The following TRIM29 variants were observed in gnomAD, a reference collection of about 807,000 sequenced individuals.
TRIM29 encodes the protein tripartite motif-containing protein 29.
Under a neutral mutation model 57.3 loss-of-function variants are expected in TRIM29, and 52 were observed. The observed-to-expected ratio is 0.91, with a 90% CI of 0.73 to 1.14. The LOEUF (loss-of-function observed/expected upper bound fraction) is 1.14. Among genes scored for constraint, TRIM29 ranks in the 50% most tolerant of loss-of-function variants. TRIM29 has a pLI of 0.00. For synonymous variants in TRIM29, 319 were observed against 316.9 expected, an observed-to-expected ratio of 1.01 and a Z score of -0.07; for missense variants, 753 against 774.6, an observed-to-expected ratio of 0.97 and a Z score of 0.33.
chr11:120,137,199 G>A lies in TRIM29; in HGVS notation c.804+29C>T. 1 of 1,609,974 alleles carries A rather than the reference G, an allele frequency of 6.2e-7. No individual in the cohort carries two copies. The highest frequency in any genetic ancestry group is 8.5e-7 in the Non-Finnish European group (1 of 1,177,468). Reference sequence around the variant, plus strand: ...GGGTGGGGTGAGAGAGGAGAGGCCTGGAGGGGCAGGAGGGGCCCCAGCACT... The same window carrying A: ...GGGTGGGGTGAGAGAGGAGAGGCCTAGAGGGGCAGGAGGGGCCCCAGCACT... On this transcript the variant is annotated intron_variant, in intron 1 of 8. Coordinates refer to ENST00000341846, the MANE Select transcript of TRIM29 (RefSeq NM_012101.4). The surrounding 1 kb of genome is among the most constrained non-coding windows in gnomAD (Gnocchi z 6.2).
At chr11:120,132,315 T>G (rs1394539085) in intron 1 of TRIM29, among the ~76,000 whole-genome samples, 1 of 152,066 alleles carries the variant, frequency 6.6e-6, no homozygotes, top group Admixed American at 6.5e-5. Context: ...AAGGCCCTGA[T>G]GGCTGACAGG....
chr11:120,115,450 C>T (rs1216410735), intron 7 of TRIM29, 36 bp from the exon 8 acceptor site: 8 of 1,595,730 alleles, frequency 5.0e-6, no homozygotes, highest in Admixed American at 3.4e-5. Flanking sequence ...AAGGGAGCAG[C>T]GCTGGTGGTC....
At chr11:120,125,625 C>A in intron 4 of TRIM29, 66 bp downstream of exon 4, 1 of 1,567,596 alleles carries the variant, frequency 6.4e-7, no homozygotes, top group South Asian at 1.1e-5. Flanking sequence ...CCATGTCAGG[C>A]AGCAGGAATT....
chr11:120,128,557 C>T, intron 1 of TRIM29, 62 bp from the exon 2 acceptor site: 3 of 1,558,154 alleles, frequency 1.9e-6, no homozygotes, highest in South Asian at 2.3e-5. Flanking sequence ...AACCAGAGAA[C>T]CAGGGAGCGG....
In TRIM29 at chr11:120,112,370, G is replaced by C; in HGVS notation, c.*44C>G. On this transcript the variant is annotated 3_prime_UTR_variant, in exon 9 of 9. Coordinates refer to ENST00000341846, the MANE Select transcript of TRIM29 (RefSeq NM_012101.4). The stretch of plus-strand genomic sequence containing the variant: ...TAGAAGGCAAGAGCAGCAGGGTCAG[G>C]AGGAAGAGCAGGGGTGTGGCGCCTC... 1.2e-6 allele frequency: 2 copies of C among 1,609,512 alleles called. No individual in the cohort carries two copies. Among genetic ancestry groups the C allele is most frequent in the East Asian group, 2.2e-5 (1 of 44,714 alleles).
At chr11:120,115,579 C>A (rs1863247923) in intron 7 of TRIM29, 165 bp from the exon 8 acceptor site, 1 of 626,050 alleles carries the variant, frequency 1.6e-6, no homozygotes, top group Admixed American at 3.0e-5. Context: ...GGTGCCGCAA[C>A]CGAAAATCCT....
At chr11:120,115,752 C>T (rs1034686939) in intron 7 of TRIM29, 6 of 271,366 alleles carry the variant, frequency 2.2e-5, no homozygotes, top group African/African-American at 9.1e-5. Context: ...GTTTACACCA[C>T]GGGCCCTCCC....
rs555181586 is a variant in TRIM29, at chr11:120,131,910, C to A, written c.805-3415G>T. Among the ~76,000 whole-genome samples the A allele has an allele frequency of 4.7e-5, 7 of 149,680 alleles. No individual in the cohort carries two copies. The South Asian group carries it at 1.1e-3, about 24-fold the overall frequency. ...GCCAGGACTTTTCTCCTTTAACCAG[C>A]AAAAGCCTCCTGTGGAGGTAAGTGG... On this transcript the variant is annotated intron_variant, in intron 1 of 8. Transcript: ENST00000341846.
Position 120,137,306 on chromosome 11 carries a change from G to A in TRIM29, c.726C>T (p.Cys242=), listed in dbSNP as rs1312932196. Residue 242 remains cysteine (C), a synonymous_variant, in exon 1 of 9, where the codon TGC becomes TGT. Coordinates refer to ENST00000341846, the MANE Select transcript of TRIM29 (RefSeq NM_012101.4). This position sits in a 1 kb window ranked among gnomAD's most constrained non-coding sequence, Gnocchi z 6.2. ...CCTGGAACATGCAAAGGTAGCAGAT[G>A]CAGGTCTGGTCGGTCTGGCAGAAGA... ...MELFCQTDQT[C]ICYLCMFQEH... The A allele has an allele frequency of 6.2e-7, 1 of 1,614,072 alleles. No homozygotes were observed. Among genetic ancestry groups the A allele is most frequent in the African/African-American group, 1.3e-5 (1 of 74,930 alleles).
intron 7 of TRIM29, 59 bp from the exon 8 acceptor site, chr11:120,115,473 G>A: frequency 2.1e-6 from 3 of 1,450,564 alleles, no homozygotes; most frequent in Non-Finnish European, 2.9e-6. Flanking sequence ...GGGTGCCCGG[G>A]CCCAGAGCAG....
intron 4 of TRIM29, chr11:120,123,398 C>T (rs1863510299): frequency 4.1e-6 from 2 of 492,200 alleles, no homozygotes; most frequent in Non-Finnish European, 8.0e-6. Context: ...TTGTATCCCC[C>T]TGAGACAGAT....
In TRIM29 at chr11:120,124,070, A is replaced by G. The variant is rs573253551; in HGVS notation, c.1334-1015T>C. 209 of 156,002 alleles carry G rather than the reference A, an allele frequency of 1.3e-3. 1 individual carries two copies. Among genetic ancestry groups the G allele is most frequent in the African/African-American group, 4.9e-3 (203 of 41,570 alleles). 9.7% of individuals were successfully genotyped at this position (156,002 alleles called of 1,614,324 possible). On this transcript the variant is annotated intron_variant, in intron 4 of 8. Transcript: ENST00000341846. ...CAGCAGCCACACGAAAAAACAACAC[A>G]GAGGCAGAGGAGCCGCCCCCACGGC...
chr11:120,122,078 T>C (rs1863462812), intron 5 of TRIM29: 2 of 400,638 alleles, frequency 5.0e-6, no homozygotes, highest in Non-Finnish European at 1.0e-5. Flanking sequence ...ACAGGTGCTT[T>C]TCTGTTGAGC....
rs1440265577 is a variant in TRIM29 at position 120,128,508 on chromosome 11, A to G, written c.805-13T>C. The G allele has an allele frequency of 6.2e-7, 1 of 1,606,930 alleles. No homozygotes were observed. Among genetic ancestry groups the G allele is most frequent in the Non-Finnish European group, 8.5e-7 (1 of 1,179,500 alleles). The stretch of plus-strand genomic sequence containing the variant: ...ATGACAGCTCCGTCTGCAGAGAAAG[A>G]GCCAGGATTGGAGAAGTCAGGGGGA... On this transcript the variant is annotated splice_polypyrimidine_tract_variant and intron_variant, in intron 1 of 8. Transcript: ENST00000341846.
At chr11:120,123,340 A>C (rs925004811) in intron 4 of TRIM29, 2 of 611,094 alleles carry the variant, frequency 3.3e-6, no homozygotes, top group Non-Finnish European at 6.1e-6. Context: ...CACCTTTACA[A>C]GGTGCTATTA....
intron 5 of TRIM29, chr11:120,121,877 A>G: frequency 2.4e-6 from 1 of 411,736 alleles, no homozygotes; most frequent in Non-Finnish European, 5.0e-6. Context: ...GGCCAGGGCG[A>G]GGCCAGGTAG....
At position 120,113,625 on chromosome 11, in the gene TRIM29, T is replaced by G. The variant is rs148429865; in HGVS notation, c.1705-1149A>C. On this transcript the variant is annotated intron_variant, in intron 8 of 8. Transcript: ENST00000341846. ...GCCTTTGTGTGGTCCACAGCAGGACTTGAGGGATGCTCAGACCTTGCTTAA... is the reference window on the plus strand; with the variant it reads ...GCCTTTGTGTGGTCCACAGCAGGACGTGAGGGATGCTCAGACCTTGCTTAA... 88 of 456,246 alleles carry G rather than the reference T, an allele frequency of 1.9e-4. 1 individual carries two copies. Among genetic ancestry groups the G allele is most frequent in the African/African-American group, 1.6e-3 (80 of 50,182 alleles). The allele number at this position is 456,246 out of a possible 1,614,324, so 28.3% of individuals were successfully genotyped here. A position where few individuals can be genotyped will look rare whatever the true frequency, so the allele number is the denominator to read the frequency against.
At chr11:120,121,754 CA>C (rs1379610704) in intron 5 of TRIM29, 5 of 255,834 alleles carry the variant, frequency 2.0e-5, no homozygotes, top group Admixed American at 4.2e-5. Context: ...AGGAGGCTCA[CA>C]CTGGGCCCTC....
chr11:120,126,774 A>G (rs1472995588), intron 3 of TRIM29, among the ~76,000 whole-genome samples: 1 of 152,210 alleles, frequency 6.6e-6, no homozygotes, highest in Non-Finnish European at 1.5e-5. Context: ...TTATCATTTA[A>G]TTACACACTT....
Sources: allele counts gnomAD v4.1 joint callset (sites outside exome capture counted in the v4.1 genomes callset), GRCh38; gene constraint gnomAD v4.1.1; non-coding constraint Gnocchi (gnomAD v3.1); transcripts MANE v1.5; gene names NCBI Gene and HGNC (gene_info 2026-07-23, HGNC 2026-07-21).